TMEM161A: variants seen among roughly 807,000 people sequenced by gnomAD.
TMEM161A encodes the protein adaptive response to oxidative stress protein 29.
A neutral mutation model predicts 57.1 loss-of-function variants in TMEM161A; 46 were observed. The ratio of observed to expected loss-of-function variants is 0.81; its 90% CI spans 0.64 to 1.03. The LOEUF is 1.03. TMEM161A is among the 50% of genes least tolerant of loss of function. TMEM161A has a pLI of 0.00. For synonymous variants in TMEM161A, 288 were observed against 279.0 expected (o/e 1.03, Z -0.32); for missense variants, 601 against 621.5 (o/e 0.97, Z 0.35).
intron 6 of TMEM161A, among the ~76,000 whole-genome samples, chr19:19,122,318 C>G (rs1374925046): frequency 6.6e-6 from 1 of 152,008 alleles, no homozygotes; most frequent in African/African-American, 2.4e-5. Flanking sequence ...CAGAATGCAC[C>G]AGGCAGACAC....
In TMEM161A at chr19:19,134,812, A is replaced by G. The variant is rs1242447734; in HGVS notation, c.79T>C (p.Phe27Leu). 1 of 1,591,446 alleles carries G rather than the reference A, an allele frequency of 6.3e-7. No individual in the cohort carries two copies. The highest frequency in any genetic ancestry group is 8.5e-7 in the Non-Finnish European group (1 of 1,170,262). Reference protein sequence around the residue: ...LMHRLAPHCSFARWLLCNGSL... With the variant: ...LMHRLAPHCSLARWLLCNGSL... ...CCGTTACAGAGCAGCCAGCGCGCGA[A>G]GGAGCAGTGTGGCGCCAGCCTGTGC... Residue 27 changes from phenylalanine (F) to leucine (L), a missense_variant, in exon 2 of 12, where the codon TTC (phenylalanine) becomes CTC (leucine). Transcript: ENST00000162044.
chr19:19,125,349 AT>A (rs1340701664), intron 6 of TMEM161A, among the ~76,000 whole-genome samples: 2 of 152,012 alleles, frequency 1.3e-5, no homozygotes, highest in Non-Finnish European at 2.9e-5. Flanking sequence ...AAGTTGAAAT[AT>A]TTTATTTATT....
intron 6 of TMEM161A, among the ~76,000 whole-genome samples, chr19:19,125,602 C>T (rs1197372760): frequency 6.6e-6 from 1 of 150,420 alleles, no homozygotes; most frequent in Non-Finnish European, 1.5e-5. Flanking sequence ...CTGCAAGCTC[C>T]ACCTCCCGGG....
intron 1 of TMEM161A, among the ~76,000 whole-genome samples, chr19:19,136,315 G>C (rs79598570): frequency 2.0e-5 from 3 of 151,976 alleles, no homozygotes; most frequent in Non-Finnish European, 4.4e-5. Flanking sequence ...AAATTTAGTC[G>C]GAAAAACCCT....
At position 19,119,173 on chromosome 19, in the gene TMEM161A, CAG is replaced by C. The variant is rs2059895379; in HGVS notation, c.*755_*756del. On this transcript the variant is annotated 3_prime_UTR_variant, in exon 12 of 12. Transcript: ENST00000162044. ...TTTTTCTTTTTTTTTTTTTTTGAGA[CAG>C]AGTTTCACTCTGTCACCCAGGCTGG... 3.1e-5 allele frequency: 4 copies of C among 129,172 alleles called. No individual in the cohort carries two copies. Among genetic ancestry groups the C allele is most frequent in the Non-Finnish European group, 1.6e-5 (1 of 62,432 alleles). 8.0% of individuals were successfully genotyped at this position (129,172 alleles called of 1,614,324 possible). A position where few individuals can be genotyped will look rare whatever the true frequency, so the allele number is the denominator to read the frequency against.
intron 5 of TMEM161A, 99 bp from the exon 6 acceptor site, chr19:19,130,406 T>G: frequency 1.3e-6 from 2 of 1,485,088 alleles, no homozygotes; most frequent in Admixed American, 3.4e-5. Flanking sequence ...GAACAAGCAC[T>G]GCTGCACAAA....
In TMEM161A at chr19:19,121,838, G is replaced by T. The variant is rs373938287; in HGVS notation, c.596-19C>A. ...GCCAGACCTGGGGACGATAAGAAGA[G>T]GACCGAGTAGAGTGAATTCCTAGGG... On this transcript the variant is annotated intron_variant, in intron 6 of 11. Transcript: ENST00000162044. This position sits in a 1 kb window ranked among gnomAD's most constrained non-coding sequence, Gnocchi z 5.8. 6.2e-7 allele frequency: 1 copy of T among 1,613,256 alleles called. No individual in the cohort carries two copies.
chr19:19,137,337 C>T (rs538611044), intron 1 of TMEM161A, among the ~76,000 whole-genome samples: 4 of 152,144 alleles, frequency 2.6e-5, no homozygotes, highest in African/African-American at 7.2e-5. Flanking sequence ...CCACCACCCC[C>T]CAAAACCCCC....
chr19:19,132,654 T>TA lies in TMEM161A; in HGVS notation c.286+2dup, dbSNP rs1259788077. ...GAGTTTAGGGATGGGACTGGGCTAT[T>TA]ACCCAGGGCATCCACGGTCGTGAGG... On this transcript the variant is annotated splice_region_variant and intron_variant, in intron 4 of 11. Transcript: ENST00000162044. The surrounding 1 kb of genome is among the most constrained non-coding windows in gnomAD (Gnocchi z 4.3). 1 of 1,565,890 alleles carries TA rather than the reference T, an allele frequency of 6.4e-7. No homozygotes were observed. Among genetic ancestry groups the TA allele is most frequent in the Non-Finnish European group, 8.7e-7 (1 of 1,155,310 alleles).
chr19:19,138,290 TCAGCGTG>T (rs1208217219), intron 1 of TMEM161A, 129 bp downstream of exon 1: 1 of 1,314,926 alleles, frequency 7.6e-7, no homozygotes, highest in Non-Finnish European at 1.1e-6. Flanking sequence ...CACACGGCCT[TCAGCGTG>T]CCCCCGAATC....
In TMEM161A at chr19:19,121,234, G is replaced by T; in HGVS notation, c.915-68C>A. On this transcript the variant is annotated intron_variant, in intron 9 of 11. Transcript: ENST00000162044. This position sits in a 1 kb window ranked among gnomAD's most constrained non-coding sequence, Gnocchi z 5.8. The stretch of plus-strand genomic sequence containing the variant: ...CCCGACCCCCCAGGATCTTCCCCAG[G>T]CTCCTCCCTGAATCTCAGAGGCTAG... 1 of 1,550,506 alleles carries T rather than the reference G, an allele frequency of 6.4e-7. No individual in the cohort carries two copies. Among genetic ancestry groups the T allele is most frequent in the Non-Finnish European group, 8.7e-7 (1 of 1,146,396 alleles).
At chr19:19,130,352 C>A in intron 5 of TMEM161A, 45 bp from the exon 6 acceptor site, 1 of 1,606,406 alleles carries the variant, frequency 6.2e-7, no homozygotes, top group African/African-American at 1.3e-5. Context: ...CTGCCCCACT[C>A]TGCCCATTTC....
intron 11 of TMEM161A, among the ~76,000 whole-genome samples, chr19:19,120,395 A>C (rs756792): frequency 0.84 from 125,714 of 149,242 alleles, 53,061 homozygotes; most frequent in East Asian, 0.92. Flanking sequence ...TCCTGCCTCA[A>C]TACATGCCCT....
At chr19:19,130,024 G>A (rs565782920) in intron 6 of TMEM161A, 132 bp downstream of exon 6, 3 of 988,364 alleles carry the variant, frequency 3.0e-6, no homozygotes, top group South Asian at 3.2e-5. Context: ...GGTCACTAAT[G>A]GGGACTGCCT....
intron 6 of TMEM161A, among the ~76,000 whole-genome samples, chr19:19,126,121 GC>G (rs1261459210): frequency 6.7e-6 from 1 of 150,110 alleles, no homozygotes; most frequent in African/African-American, 2.5e-5. Flanking sequence ...ACTAGAGATC[GC>G]CCACTGCACT....
rs1261987767 is a variant in TMEM161A at position 19,133,139 on chromosome 19, CT to C, written c.178del (p.Arg60GlyfsTer85). On this transcript the variant is annotated frameshift_variant, in exon 3 of 12. Transcript: ENST00000162044. LOFTEE classifies it high-confidence loss of function. ...ALAGKPRPRG[R>X]KERWANGLSE... ...GGCCCAGGTCACTCACCGCTCTTTC[CT>C]GCCTCTGGGCCTCGGCTTCCCCGCC... The C allele has an allele frequency of 1.2e-6, 2 of 1,613,964 alleles. No homozygotes were observed. Among genetic ancestry groups the C allele is most frequent in the Non-Finnish European group, 1.7e-6 (2 of 1,179,982 alleles).
In TMEM161A at chr19:19,134,799, A is replaced by T. The variant is rs1446619842; in HGVS notation, c.92T>A (p.Leu31Gln). The change falls in exon 2 of 12, where the codon CTG becomes CAG. Residue 31 changes from leucine (L) to glutamine (Q), a missense_variant. Transcript: ENST00000162044. ...CGGGGCTCACCTGCCGTTACAGAGC[A>T]GCCAGCGCGCGAAGGAGCAGTGTGG... ...LAPHCSFARW[L>Q]LCNGSLFRYK... The T allele has an allele frequency of 6.3e-7, 1 of 1,581,152 alleles. No homozygotes were observed. The highest frequency in any genetic ancestry group is 8.6e-7 in the Non-Finnish European group (1 of 1,165,524).
At chr19:19,130,404 A>C in intron 5 of TMEM161A, 97 bp from the exon 6 acceptor site, 1 of 1,487,478 alleles carries the variant, frequency 6.7e-7, no homozygotes, top group Non-Finnish European at 9.2e-7. Context: ...GGGAACAAGC[A>C]CTGCTGCACA....
chr19:19,138,419 C>A lies in TMEM161A; in HGVS notation c.3+7G>T, dbSNP rs765887075. On this transcript the variant is annotated splice_region_variant and intron_variant, in intron 1 of 11. Coordinates refer to ENST00000162044, the MANE Select transcript of TMEM161A (RefSeq NM_017814.3). ...AGAACCCCCCACTTCGCGGGACGCTCGCTCACCATGACGCGTGCGAGAACG... is the reference window on the plus strand; with the variant it reads ...AGAACCCCCCACTTCGCGGGACGCTAGCTCACCATGACGCGTGCGAGAACG... The A allele has an allele frequency of 8.7e-6, 14 of 1,603,474 alleles. No homozygotes were observed. The highest frequency in any genetic ancestry group is 2.3e-5 in the East Asian group (1 of 44,202).
Sources: gnomAD v4.1 joint callset for allele counts (sites outside exome capture counted in the v4.1 genomes callset) on GRCh38, gnomAD v4.1.1 for gene constraint, Gnocchi (gnomAD v3.1) non-coding constraint, MANE v1.5 for transcripts, NCBI Gene and HGNC (gene_info 2026-07-23, HGNC 2026-07-21) for gene names.